Variants in SGCD observed in about 807,000 individuals in gnomAD.
SGCD encodes the protein delta-sarcoglycan.
Under a neutral mutation model 36.6 loss-of-function variants are expected in SGCD, and 18 were observed. The observed-to-expected ratio is 0.49, with a 90% CI of 0.34 to 0.73. SGCD has a LOEUF of 0.73. Among genes scored for constraint, SGCD ranks in the 30% least tolerant of loss-of-function variants. The pLI is 0.01. For synonymous variants in SGCD, 133 were observed against 130.6 expected, an observed-to-expected ratio of 1.02 and a Z score of -0.12; for missense variants, 387 against 346.7, an observed-to-expected ratio of 1.12 and a Z score of -0.92.
At chr5:156,442,085 C>T (rs1178586400) in intron 3 of SGCD, among the ~76,000 whole-genome samples, 2 of 152,190 alleles carry the variant, frequency 1.3e-5, no homozygotes, top group African/African-American at 2.4e-5. Context: ...AACAATTTAA[C>T]AGGGTCTAGA....
chr5:156,436,856 A>G (rs1451521417), intron 3 of SGCD, among the ~76,000 whole-genome samples: 1 of 152,130 alleles, frequency 6.6e-6, no homozygotes, highest in Non-Finnish European at 1.5e-5. Context: ...TAGCTAACCA[A>G]CTCAGCCAAG....
At chr5:155,960,708 G>T (rs1490840305) in intron 1 of SGCD, among the ~76,000 whole-genome samples, 1 of 152,092 alleles carries the variant, frequency 6.6e-6, no homozygotes, top group Non-Finnish European at 1.5e-5. Context: ...ACAGATCTAA[G>T]ATTTTTGCAA....
intron 1 of SGCD, among the ~76,000 whole-genome samples, chr5:156,104,046 G>C (rs916362582): frequency 1.3e-5 from 2 of 151,882 alleles, no homozygotes; most frequent in East Asian, 3.9e-4. Context: ...AAGCCCTTTT[G>C]GAAACATTAT....
At chr5:156,565,954 G>A (rs1271606201) in intron 4 of SGCD, among the ~76,000 whole-genome samples, 1 of 152,134 alleles carries the variant, frequency 6.6e-6, no homozygotes, top group Non-Finnish European at 1.5e-5. Flanking sequence ...CCACTGATGG[G>A]CATTTGAGTT....
intron 5 of SGCD, among the ~76,000 whole-genome samples, chr5:156,590,401 C>T (rs1220424328): frequency 6.6e-6 from 1 of 152,130 alleles, no homozygotes; most frequent in Non-Finnish European, 1.5e-5. Context: ...GAAGGAACTG[C>T]TGCCCGGCAG....
chr5:156,210,436 T>A (rs1764408464), intron 3 of SGCD, among the ~76,000 whole-genome samples: 1 of 151,540 alleles, frequency 6.6e-6, no homozygotes, highest in Admixed American at 6.6e-5. Context: ...CAAAAGGACA[T>A]AATAAAATCT....
the SGCD span, among the ~76,000 whole-genome samples, chr5:155,789,541 G>A: frequency 6.6e-6 from 1 of 152,030 alleles, no homozygotes; most frequent in Admixed American, 6.6e-5. Flanking sequence ...CTGCTTTAAT[G>A]AATACATGAA....
intron 3 of SGCD, among the ~76,000 whole-genome samples, chr5:156,148,057 C>T (rs542837684): frequency 1.6e-4 from 24 of 152,138 alleles, no homozygotes; most frequent in East Asian, 5.8e-4. Flanking sequence ...GTTTTTCTGC[C>T]GCTAGAACTA....
At chr5:156,245,565 A>G (rs1765419915) in intron 3 of SGCD, among the ~76,000 whole-genome samples, 1 of 152,184 alleles carries the variant, frequency 6.6e-6, no homozygotes, top group Non-Finnish European at 1.5e-5. Context: ...AGTATTATAT[A>G]TTCCTTAATG....
chr5:155,752,372 C>T, the SGCD span, among the ~76,000 whole-genome samples: 3 of 152,180 alleles, frequency 2.0e-5, no homozygotes, highest in Admixed American at 1.3e-4. Context: ...CCCCTAAGAT[C>T]TCATCATTCA....
chr5:156,143,201 G>C (rs1217171275), intron 3 of SGCD, among the ~76,000 whole-genome samples: 1 of 152,226 alleles, frequency 6.6e-6, no homozygotes, highest in East Asian at 1.9e-4. Context: ...GTAAGCCTTG[G>C]TGGTTTCCAC....
intron 6 of SGCD, among the ~76,000 whole-genome samples, chr5:156,604,335 T>C (rs891115868): frequency 6.6e-6 from 1 of 152,070 alleles, no homozygotes; most frequent in Non-Finnish European, 1.5e-5. Context: ...TGTTCTTTAA[T>C]CCATTCAGTC....
chr5:156,609,962 G>A (rs1761702054), intron 6 of SGCD, among the ~76,000 whole-genome samples: 1 of 152,038 alleles, frequency 6.6e-6, no homozygotes, highest in South Asian at 2.1e-4. Context: ...TTTTTTCGAG[G>A]TTTTTAACTT....
intron 7 of SGCD, among the ~76,000 whole-genome samples, chr5:156,719,810 G>A (rs925212343): frequency 2.0e-5 from 3 of 151,984 alleles, no homozygotes; most frequent in Non-Finnish European, 4.4e-5. Flanking sequence ...AGAGGGTGAC[G>A]GCAGTCAAAG....
chr5:156,515,344 A>G (rs1757111873), intron 4 of SGCD, among the ~76,000 whole-genome samples: 1 of 152,240 alleles, frequency 6.6e-6, no homozygotes, highest in Non-Finnish European at 1.5e-5. Context: ...TTTAAAGATT[A>G]AAACACACAT....
chr5:155,799,760 G>A, the SGCD span, among the ~76,000 whole-genome samples: 1 of 130,854 alleles, frequency 7.6e-6, no homozygotes, highest in African/African-American at 2.9e-5. Flanking sequence ...TACCCACAAT[G>A]TAACTTTTTT....
At chr5:155,925,458 C>G (rs1035728543) in intron 1 of SGCD, among the ~76,000 whole-genome samples, 4 of 152,160 alleles carry the variant, frequency 2.6e-5, no homozygotes, top group Non-Finnish European at 4.4e-5. Flanking sequence ...CTTGCCTCTT[C>G]CTGGCTTCTG....
rs1446441040 is a variant in SGCD, at chr5:156,766,726, G to T, written c.*7336G>T. 1 of 151,636 alleles carries T rather than the reference G, an allele frequency of 6.6e-6. No individual in the cohort carries two copies. The highest frequency in any genetic ancestry group is 1.5e-5 in the Non-Finnish European group (1 of 67,944). The allele number at this position is 151,636 out of a possible 1,614,324, so 9.4% of individuals were successfully genotyped here. Reference sequence around the variant, plus strand: ...GGGTTTGATCTGTAAGAGTTAAAAAGACAAAGTCATTTTGAAGAATTAACT... The same window carrying T: ...GGGTTTGATCTGTAAGAGTTAAAAATACAAAGTCATTTTGAAGAATTAACT... On this transcript the variant is annotated 3_prime_UTR_variant, in exon 9 of 9. Transcript: ENST00000337851.
intron 5 of SGCD, among the ~76,000 whole-genome samples, chr5:156,590,168 A>G (rs914384779): frequency 2.0e-5 from 3 of 152,194 alleles, no homozygotes; most frequent in Admixed American, 2.0e-4. Flanking sequence ...CATTTTGAGA[A>G]GCCAGTTACC....
Sources: gnomAD v4.1 joint callset for allele counts (sites outside exome capture counted in the v4.1 genomes callset) on GRCh38, gnomAD v4.1.1 for gene constraint, MANE v1.5 for transcripts, NCBI Gene and HGNC (gene_info 2026-07-23, HGNC 2026-07-21) for gene names.